Variants in RGS7 observed in about 807,000 individuals in gnomAD.
RGS7 encodes regulator of G protein signaling 7.
RGS7 carries 27 observed loss-of-function variants against 81.1 expected under a neutral mutation model. The ratio of observed to expected loss-of-function variants is 0.33; its 90% CI spans 0.25 to 0.46. The LOEUF (loss-of-function observed/expected upper bound fraction) is 0.46. Ranked by LOEUF, RGS7 falls within the 20% of genes least tolerant of loss-of-function variation. The pLI is 1.00. For missense variants in RGS7, 396 were observed against 607.4 expected, an observed-to-expected ratio of 0.65 and a Z score of 3.66; for synonymous variants, 208 against 207.7, an observed-to-expected ratio of 1.00 and a Z score of -0.01.
chr1:240,841,035 T>C (rs903195812), intron 9 of RGS7, among the ~76,000 whole-genome samples: 1 of 152,256 alleles, frequency 6.6e-6, no homozygotes, highest in East Asian at 1.9e-4. Flanking sequence ...ATTATTATCA[T>C]ACATTTATTT....
chr1:240,817,901 C>A (rs968126767), intron 10 of RGS7, among the ~76,000 whole-genome samples: 1 of 152,188 alleles, frequency 6.6e-6, no homozygotes, highest in African/African-American at 2.4e-5. Flanking sequence ...CCGCGCCTGG[C>A]CTCCGTCCTT....
chr1:241,259,274 A>G (rs1366001804), intron 2 of RGS7, among the ~76,000 whole-genome samples: 1 of 152,134 alleles, frequency 6.6e-6, no homozygotes, highest in East Asian at 1.9e-4. Context: ...GAAGTTCACT[A>G]GTTAATGGAC....
At chr1:241,282,238 A>G (rs760055581) in intron 2 of RGS7, among the ~76,000 whole-genome samples, 14 of 152,196 alleles carry the variant, frequency 9.2e-5, no homozygotes, top group Non-Finnish European at 1.9e-4. Context: ...CTTATAAAGG[A>G]GAATATGCAG....
intron 3 of RGS7, chr1:240,998,544 A>C (rs1367159057): frequency 1.0e-5 from 9 of 885,798 alleles, no homozygotes; most frequent in Non-Finnish European, 1.7e-5. Flanking sequence ...GCAGCAGCAG[A>C]GGCGGGCAGA....
At chr1:241,018,436 G>A (rs1237042671) in intron 3 of RGS7, among the ~76,000 whole-genome samples, 1 of 152,048 alleles carries the variant, frequency 6.6e-6, no homozygotes, top group Admixed American at 6.6e-5. Context: ...TAGCAGTTGG[G>A]TCATGTCTAA....
intron 4 of RGS7, among the ~76,000 whole-genome samples, chr1:240,971,421 A>C (rs778566694): frequency 3.3e-5 from 5 of 152,222 alleles, no homozygotes; most frequent in Non-Finnish European, 7.3e-5. Flanking sequence ...AAAGCTCCTA[A>C]TACGCTGAAA....
intron 3 of RGS7, among the ~76,000 whole-genome samples, chr1:241,047,836 TTCAAGCAATTC>T (rs2061022522): frequency 6.8e-6 from 1 of 146,784 alleles, no homozygotes; most frequent in Non-Finnish European, 1.5e-5. Flanking sequence ...GCCTCCCAGG[TTCAAGCAATTC>T]TCCTGTCTCA....
chr1:241,319,716 T>A, intron 2 of RGS7, among the ~76,000 whole-genome samples: 1 of 152,148 alleles, frequency 6.6e-6, no homozygotes, highest in Non-Finnish European at 1.5e-5. Context: ...AAAACATAAA[T>A]TTTAAAAAGA....
chr1:240,920,560 G>T, intron 6 of RGS7: 1 of 850,964 alleles, frequency 1.2e-6, no homozygotes, highest in Non-Finnish European at 2.0e-6. Flanking sequence ...AACTAAGGTG[G>T]CTATGGTGGT....
chr1:240,831,200 C>T (rs1693775596), intron 9 of RGS7, among the ~76,000 whole-genome samples: 1 of 152,036 alleles, frequency 6.6e-6, no homozygotes, highest in Non-Finnish European at 1.5e-5. Context: ...CCTGTAATTT[C>T]TAATGAGGCC....
intron 4 of RGS7, among the ~76,000 whole-genome samples, chr1:240,980,353 G>A (rs1365897830): frequency 2.0e-5 from 3 of 152,120 alleles, no homozygotes; most frequent in African/African-American, 4.8e-5. Context: ...CCCAGAATTA[G>A]TCTCTTCTTC....
At chr1:240,814,903 G>A in intron 11 of RGS7, 126 bp from the exon 12 acceptor site, 2 of 704,588 alleles carry the variant, frequency 2.8e-6, no homozygotes, top group Non-Finnish European at 5.1e-6. Flanking sequence ...TTTCAAAGTT[G>A]GTTAAAAAAA....
In RGS7 at chr1:240,775,592, A is replaced by C. The variant is rs1322796124; in HGVS notation, c.*628T>G. On this transcript the variant is annotated 3_prime_UTR_variant, in exon 19 of 19. Transcript: ENST00000440928. ...ATTTACAGAGAAGGGATCAACTTTAATACATTTGGAGTAAAAGGTGTTTCT... is the reference window on the plus strand; with the variant it reads ...ATTTACAGAGAAGGGATCAACTTTACTACATTTGGAGTAAAAGGTGTTTCT... The C allele has an allele frequency of 1.3e-5, 2 of 153,986 alleles. No homozygotes were observed. The highest frequency in any genetic ancestry group is 2.9e-5 in the Non-Finnish European group (2 of 68,942). 9.5% of individuals were successfully genotyped at this position (153,986 alleles called of 1,614,324 possible).
chr1:240,888,546 G>T (rs558554869), intron 6 of RGS7, among the ~76,000 whole-genome samples: 2 of 152,288 alleles, frequency 1.3e-5, no homozygotes, highest in African/African-American at 2.4e-5. Flanking sequence ...GGCTTACTTT[G>T]TACTGGTCTG....
intron 3 of RGS7, among the ~76,000 whole-genome samples, chr1:241,039,891 A>T (rs2060520171): frequency 6.6e-6 from 1 of 152,240 alleles, no homozygotes; most frequent in South Asian, 2.1e-4. Flanking sequence ...CATGTTCAAT[A>T]AATAAACCTG....
At chr1:240,830,754 A>G (rs1572305303) in intron 9 of RGS7, among the ~76,000 whole-genome samples, 1 of 152,200 alleles carries the variant, frequency 6.6e-6, no homozygotes, top group Admixed American at 6.5e-5. Flanking sequence ...CCTTCCATAA[A>G]GAGCTAGGAT....
At chr1:240,800,390 T>A (rs1233025159) in intron 18 of RGS7, among the ~76,000 whole-genome samples, 1 of 152,184 alleles carries the variant, frequency 6.6e-6, no homozygotes, top group African/African-American at 2.4e-5. Context: ...ATACTCTGTG[T>A]ACCGTTGCAA....
At chr1:241,236,829 A>C (rs2076005966) in intron 2 of RGS7, among the ~76,000 whole-genome samples, 1 of 119,680 alleles carries the variant, frequency 8.4e-6, no homozygotes, top group Non-Finnish European at 1.9e-5. Context: ...TAATTCTAGG[A>C]TCTATAAAAA....
intron 2 of RGS7, among the ~76,000 whole-genome samples, chr1:241,319,196 TG>T (rs1437036332): frequency 1.3e-5 from 2 of 152,218 alleles, no homozygotes; most frequent in Admixed American, 6.5e-5. Flanking sequence ...AAAATCTTCA[TG>T]GGGTGTCAAT....
Sources: gnomAD v4.1 joint callset for allele counts (sites outside exome capture counted in the v4.1 genomes callset) on GRCh38, gnomAD v4.1.1 for gene constraint, MANE v1.5 for transcripts, NCBI Gene and HGNC (gene_info 2026-07-23, HGNC 2026-07-21) for gene names.